Variants in FAT3 observed in about 807,000 individuals in gnomAD.
The protein encoded by FAT3 is FAT atypical cadherin 3.
A neutral mutation model predicts 310.2 loss-of-function variants in FAT3; 95 were observed. The observed-to-expected ratio is 0.31, with a 90% CI of 0.26 to 0.36. The LOEUF (loss-of-function observed/expected upper bound fraction) is 0.36, where lower values mean the gene tolerates loss of function less well. Ranked by LOEUF, FAT3 falls within the 10% of genes least tolerant of loss-of-function variation. FAT3 has a pLI of 1.00. For synonymous variants in FAT3, 2,314 were observed against 2,192.9 expected (o/e 1.06, Z -1.54); for missense variants, 5,408 against 5,715.6 (o/e 0.95, Z 1.74).
intron 4 of FAT3, among the ~76,000 whole-genome samples, chr11:92,757,628 T>A (rs2511129): frequency 0.83 from 127,051 of 152,182 alleles, 53,210 homozygotes; most frequent in East Asian, 0.94. Context: ...TTAATCATTG[T>A]TGATTAATAT....
intron 1 of FAT3, among the ~76,000 whole-genome samples, chr11:92,286,214 G>A (rs566670624): frequency 6.6e-6 from 1 of 152,144 alleles, no homozygotes; most frequent in Non-Finnish European, 1.5e-5. Flanking sequence ...TATTGCAGAG[G>A]TTCAGTATGC....
rs2136420289 is a variant in FAT3 at position 92,883,576 on chromosome 11, A to G, written c.12937+183A>G. Among the ~76,000 whole-genome samples, 1 of 152,262 alleles carries G rather than the reference A, an allele frequency of 6.6e-6. No individual in the cohort carries two copies. The highest frequency in any genetic ancestry group is 2.4e-5 in the African/African-American group (1 of 41,562). On this transcript the variant is annotated intron_variant, in intron 24 of 27. Coordinates refer to ENST00000525166, the MANE Select transcript of FAT3 (RefSeq NM_001367949.2). This position sits in a 1 kb window ranked among gnomAD's most constrained non-coding sequence, Gnocchi z 4.2. ...TCCTGGTTCTGGTTCCCATTTACAGATGGGAGAAATGAAGCTCAGAGAGGG... is the reference window on the plus strand; with the variant it reads ...TCCTGGTTCTGGTTCCCATTTACAGGTGGGAGAAATGAAGCTCAGAGAGGG...
At chr11:92,867,281 C>G in intron 22 of FAT3, 72 bp downstream of exon 22, 2 of 1,412,810 alleles carry the variant, frequency 1.4e-6, no homozygotes, top group Non-Finnish European at 1.9e-6. Context: ...AGGGGGATCC[C>G]TGCCCTCCCA....
Position 92,476,704 on chromosome 11 carries a change from T to C in FAT3, c.3293-47930T>C, listed in dbSNP as rs145407715. Among the ~76,000 whole-genome samples, 895 of 152,280 alleles carry C rather than the reference T, an allele frequency of 5.9e-3. 12 individuals are homozygous for C. Among genetic ancestry groups the C allele is most frequent in the African/African-American group, 0.02 (837 of 41,566 alleles). On this transcript the variant is annotated intron_variant, in intron 2 of 27. Transcript: ENST00000525166. ...TTATAAACGAAGACACTCAGAGTGC[T>C]TGGGGAAAGAAATCAACATGGAGAG...
intron 3 of FAT3, among the ~76,000 whole-genome samples, chr11:92,563,735 A>G (rs1270693093): frequency 6.6e-6 from 1 of 152,192 alleles, no homozygotes; most frequent in Admixed American, 6.5e-5. Context: ...CCAAAATTCA[A>G]CATTCTTAAG....
chr11:92,801,792 GA>G lies in FAT3; in HGVS notation c.8781del (p.Val2928CysfsTer6). On this transcript the variant is annotated frameshift_variant, in exon 10 of 28. Transcript: ENST00000525166. LOFTEE classifies it high-confidence loss of function. ...TGACAATGCACCAGTCTTCGCGCAG[GA>G]AGTGTACCGAGGGAATGTGAAGGAG... ...INDNAPVFAQ[E>X]VYRGNVKESD... is the part of the protein sequence containing the mutation. 6.2e-7 allele frequency: 1 copy of G among 1,613,922 alleles called. No homozygotes were observed. Among genetic ancestry groups the G allele is most frequent in the Non-Finnish European group, 8.5e-7 (1 of 1,179,854 alleles).
At chr11:92,726,767 A>G (rs1327891690) in intron 4 of FAT3, among the ~76,000 whole-genome samples, 1 of 151,526 alleles carries the variant, frequency 6.6e-6, no homozygotes, top group Non-Finnish European at 1.5e-5. Context: ...GTTATTATCT[A>G]GTATCTGGGA....
chr11:92,474,335 C>T (rs1951991369), intron 2 of FAT3, among the ~76,000 whole-genome samples: 1 of 152,128 alleles, frequency 6.6e-6, no homozygotes, highest in African/African-American at 2.4e-5. Flanking sequence ...AATATGTTGC[C>T]TGGCCTGAAA....
intron 3 of FAT3, among the ~76,000 whole-genome samples, chr11:92,564,379 T>A (rs1268817706): frequency 6.7e-6 from 1 of 150,264 alleles, no homozygotes; most frequent in Non-Finnish European, 1.5e-5. Context: ...GCACCCAGAT[T>A]CATAAAGCAA....
chr11:92,824,723 AG>A (rs1180892723), intron 13 of FAT3, among the ~76,000 whole-genome samples: 2 of 152,218 alleles, frequency 1.3e-5, no homozygotes, highest in Admixed American at 1.3e-4. Flanking sequence ...TAAACAAAAA[AG>A]AAAACAAGTC....
At chr11:92,305,830 A>G (rs536835451) in intron 1 of FAT3, among the ~76,000 whole-genome samples, 2 of 152,180 alleles carry the variant, frequency 1.3e-5, no homozygotes, top group Non-Finnish European at 2.9e-5. Context: ...CTTAGTAGAA[A>G]TGGCATCTAA....
chr11:92,287,989 A>G (rs910839722), intron 1 of FAT3, among the ~76,000 whole-genome samples: 6 of 152,172 alleles, frequency 3.9e-5, no homozygotes, highest in Non-Finnish European at 7.4e-5. Context: ...GTATGGAGGC[A>G]CGTCTTTGTA....
At chr11:92,569,910 CTT>C (rs1355847178) in intron 3 of FAT3, among the ~76,000 whole-genome samples, 1 of 152,128 alleles carries the variant, frequency 6.6e-6, no homozygotes, top group African/African-American at 2.4e-5. Context: ...GGAGCTATGA[CTT>C]TGAGCACTTC....
intron 2 of FAT3, among the ~76,000 whole-genome samples, chr11:92,466,072 C>G (rs1355613086): frequency 1.3e-5 from 2 of 152,032 alleles, no homozygotes; most frequent in Non-Finnish European, 2.9e-5. Context: ...TCCTACCTTC[C>G]AGATGGGGAA....
At chr11:92,245,721 G>T (rs1448938234) in intron 1 of FAT3, among the ~76,000 whole-genome samples, 1 of 152,090 alleles carries the variant, frequency 6.6e-6, no homozygotes, top group Non-Finnish European at 1.5e-5. Flanking sequence ...GAATGAAGGG[G>T]CATGGTTATG....
At chr11:92,767,193 G>A (rs1946335486) in intron 6 of FAT3, among the ~76,000 whole-genome samples, 1 of 150,168 alleles carries the variant, frequency 6.7e-6, no homozygotes, top group Non-Finnish European at 1.5e-5. Context: ...AGGTTGCAGT[G>A]AGCCAAGATT....
intron 7 of FAT3, among the ~76,000 whole-genome samples, chr11:92,776,827 A>G (rs144624825): frequency 1.2e-4 from 19 of 152,228 alleles, no homozygotes; most frequent in Non-Finnish European, 2.6e-4. Context: ...TCCAAAGTAC[A>G]TACTTGTATG....
intron 1 of FAT3, among the ~76,000 whole-genome samples, chr11:92,288,938 C>G (rs890271144): frequency 1.3e-5 from 2 of 152,116 alleles, no homozygotes; most frequent in Non-Finnish European, 2.9e-5. Context: ...TCATTGCCTT[C>G]CCTTCTATTC....
chr11:92,458,213 T>C (rs928149402), intron 2 of FAT3, among the ~76,000 whole-genome samples: 2 of 152,226 alleles, frequency 1.3e-5, no homozygotes, highest in South Asian at 2.1e-4. Flanking sequence ...GGAATTTTAC[T>C]GTATTTTTGC....
Sources: allele counts gnomAD v4.1 joint callset (sites outside exome capture counted in the v4.1 genomes callset), GRCh38; gene constraint gnomAD v4.1.1; non-coding constraint Gnocchi (gnomAD v3.1); transcripts MANE v1.5; gene names NCBI Gene and HGNC (gene_info 2026-07-23, HGNC 2026-07-21).